CDK5RAP3: variants seen among roughly 807,000 people sequenced by gnomAD.
CDK5RAP3 encodes the protein CDK5 regulatory subunit associated protein 3.
Under a neutral mutation model 73.3 loss-of-function variants are expected in CDK5RAP3, and 58 were observed. That is an observed-to-expected ratio of 0.79 (90% confidence interval 0.64 to 0.98). The LOEUF (loss-of-function observed/expected upper bound fraction) is 0.98. Ranked by LOEUF, CDK5RAP3 falls within the 50% of genes least tolerant of loss-of-function variation. CDK5RAP3 has a pLI of 0.00. For synonymous variants in CDK5RAP3, 224 were observed against 247.5 expected (o/e 0.91, Z 0.89); for missense variants, 525 against 615.8 (o/e 0.85, Z 1.56).
rs747873025 is a variant in CDK5RAP3 at position 47,975,671 on chromosome 17, TC to T, written c.653+19del. Reference sequence around the variant, plus strand: ...TGTGAGAGGTAGAGAGGCCTCAGCTTCTCCTGGTGGGGGTGCTTTGCCTGTG... The same window carrying T: ...TGTGAGAGGTAGAGAGGCCTCAGCTTTCCTGGTGGGGGTGCTTTGCCTGTG... On this transcript the variant is annotated intron_variant, in intron 7 of 13. Transcript: ENST00000338399. 1 of 1,584,410 alleles carries T rather than the reference TC, an allele frequency of 6.3e-7. No homozygotes were observed. Among genetic ancestry groups the T allele is most frequent in the Non-Finnish European group, 8.6e-7 (1 of 1,168,662 alleles).
chr17:47,978,835 A>C lies in CDK5RAP3; in HGVS notation c.995A>C (p.Glu332Ala), dbSNP rs780532146. The C allele has an allele frequency of 6.8e-6, 11 of 1,613,020 alleles. No homozygotes were observed. The South Asian group carries it at 1.2e-4, about 18-fold the overall frequency. ...TVLEAGTQAP[E>A]GVARGPDALT... ...CTCTGTCTCTTCCTGGCAGCTCCAG[A>C]AGGTGTTGCCAGGGGCCCAGATGCC... is the stretch of plus-strand genomic sequence containing the variant. The change falls in exon 11 of 14, where the codon GAA (glutamate) becomes GCA (alanine). Residue 332 changes from glutamate (E) to alanine (A), a missense_variant. By Grantham distance (107) the Glu-to-Ala change is moderately radical. Around this residue, in one of 2 missense-constraint regions of CDK5RAP3, gnomAD observed 409 missense variants for 429.8 expected, o/e 0.95. Coordinates refer to ENST00000338399, the MANE Select transcript of CDK5RAP3 (RefSeq NM_176096.3).
chr17:47,977,844 G>T lies in CDK5RAP3; in HGVS notation c.922G>T (p.Asp308Tyr). Residue 308 changes from aspartate to tyrosine, a missense_variant, in exon 10 of 14, where the codon GAT becomes TAT. Asp to Tyr is a radical substitution (Grantham distance 160). Around this residue, in one of 2 missense-constraint regions of CDK5RAP3, gnomAD observed 409 missense variants for 429.8 expected, o/e 0.95. Transcript: ENST00000338399. ...GCTCTCCTTCCAGGATCCTGGAGGT[G>T]ATGGGATAGACTGGGGAGACGATGC... ...PESDSKDPGG[D>Y]GIDWGDDAVA... 1 of 1,613,900 alleles carries T rather than the reference G, an allele frequency of 6.2e-7. No homozygotes were observed. The highest frequency in any genetic ancestry group is 8.5e-7 in the Non-Finnish European group (1 of 1,179,904).
chr17:47,974,455 T>G lies in CDK5RAP3; in HGVS notation c.334+7T>G. On this transcript the variant is annotated splice_region_variant and intron_variant, in intron 5 of 13. Transcript: ENST00000338399. ...AAGGACAACACCTACTTAGGTAAAG[T>G]GGCCCGGCCTGGGAGCCCTGGTATC... 1 of 1,614,216 alleles carries G rather than the reference T, an allele frequency of 6.2e-7. No homozygotes were observed. The highest frequency in any genetic ancestry group is 8.5e-7 in the Non-Finnish European group (1 of 1,180,026).
Position 47,980,810 on chromosome 17 carries a change from C to T in CDK5RAP3, c.1283+12C>T, listed in dbSNP as rs756122693. On this transcript the variant is annotated intron_variant, in intron 12 of 13. Coordinates refer to ENST00000338399, the MANE Select transcript of CDK5RAP3 (RefSeq NM_176096.3). ...CTGGCCTCACCAAGGTCTGGCTTCC[C>T]CTTGATGCAAGGCTCTGCCATCTTG... The T allele has an allele frequency of 2.5e-6, 4 of 1,613,210 alleles. No homozygotes were observed. The highest frequency in any genetic ancestry group is 4.5e-5 in the East Asian group (2 of 44,892).
intron 6 of CDK5RAP3, 55 bp downstream of exon 6, chr17:47,975,392 TCCTCTGACCCCGTCTGACC>T: frequency 6.2e-7 from 1 of 1,606,552 alleles, no homozygotes; most frequent in South Asian, 1.1e-5. Context: ...CTGCTTGTCT[TCCTCTGACCCCGTCTGACC>T]CCTCAGCCTG....
upstream of CDK5RAP3, chr17:47,970,739 T>C (rs1301177940): frequency 6.5e-7 from 1 of 1,533,660 alleles, no homozygotes; most frequent in Admixed American, 2.0e-5. Flanking sequence ...TGCAACGGCC[T>C]CCCAGATCGG....
intron 1 of CDK5RAP3, 103 bp from the exon 2 acceptor site, chr17:47,971,259 G>A (rs1359913919): frequency 6.5e-7 from 1 of 1,539,690 alleles, no homozygotes; most frequent in Non-Finnish European, 8.8e-7. Context: ...CTCTGGCCCC[G>A]TTCTGGCCCT....
In CDK5RAP3 at chr17:47,974,464, C is replaced by T. The variant is rs1164839270; in HGVS notation, c.334+16C>T. 3 of 1,614,054 alleles carry T rather than the reference C, an allele frequency of 1.9e-6. No homozygotes were observed. The highest frequency in any genetic ancestry group is 2.5e-6 in the Non-Finnish European group (3 of 1,180,028). On this transcript the variant is annotated intron_variant, in intron 5 of 13. Transcript: ENST00000338399. ...ACCTACTTAGGTAAAGTGGCCCGGC[C>T]TGGGAGCCCTGGTATCCATGGGGAA... is the stretch of plus-strand genomic sequence containing the variant.
At position 47,975,779 on chromosome 17, in the gene CDK5RAP3, CT is replaced by C. The variant is rs1471410931; in HGVS notation, c.654-88del. The C allele has an allele frequency of 3.8e-6, 6 of 1,596,476 alleles. No homozygotes were observed. In the Admixed American group the frequency reaches 8.4e-5, roughly 22 times the overall value. On this transcript the variant is annotated intron_variant, in intron 7 of 13. Transcript: ENST00000338399. ...TTTACACACCTGAACCTGTGGGGGC[CT>C]TGCCCATTTGACCATGTGGCCCAGG...
At position 47,980,665 on chromosome 17, in the gene CDK5RAP3, C is replaced by T; in HGVS notation, c.1150C>T (p.Gln384Ter). ...AGATGTCCTGTCTGTGAGCCAGTTC[C>T]AGCTGGCTCCAGCCATCCTGCAGGG... is the stretch of plus-strand genomic sequence containing the variant. ...EADVLSVSQF[Q>*]LAPAILQGQT... The change falls in exon 12 of 14, where the codon CAG becomes TAG. Residue 384 changes from glutamine to a stop codon, truncating the protein, a stop_gained. Coordinates refer to ENST00000338399, the MANE Select transcript of CDK5RAP3 (RefSeq NM_176096.3). LOFTEE classifies it high-confidence loss of function. 2 of 1,614,006 alleles carry T rather than the reference C, an allele frequency of 1.2e-6. No individual in the cohort carries two copies. The highest frequency in any genetic ancestry group is 1.7e-6 in the Non-Finnish European group (2 of 1,179,946).
chr17:47,979,049 C>G (rs2036492798), intron 11 of CDK5RAP3, 132 bp downstream of exon 11: 1 of 689,806 alleles, frequency 1.4e-6, no homozygotes, highest in Non-Finnish European at 2.6e-6. Context: ...CAGCAGGAGC[C>G]TCACGTATTA....
intron 7 of CDK5RAP3, 78 bp downstream of exon 7, chr17:47,975,731 G>T: frequency 6.4e-7 from 1 of 1,566,540 alleles, no homozygotes; most frequent in Non-Finnish European, 8.6e-7. Context: ...CAGTTGTCTT[G>T]TTCCCATATA....
intron 12 of CDK5RAP3, 107 bp downstream of exon 12, chr17:47,980,905 C>A: frequency 2.5e-6 from 3 of 1,184,358 alleles, no homozygotes; most frequent in Non-Finnish European, 3.7e-6. Context: ...GCCTCCTGGC[C>A]ATTGCCATCC....
upstream of CDK5RAP3, chr17:47,970,826 C>G: frequency 3.5e-6 from 5 of 1,417,862 alleles, no homozygotes; most frequent in South Asian, 6.4e-5. Context: ...GGCTGCCAGG[C>G]TGGGCTCTCG....
chr17:47,981,572 T>G lies in CDK5RAP3; in HGVS notation c.*70T>G. ...GAAGATGATAGCCAGGGCTGTTGTT[T>G]TGGGGCCCTTCAAGGCAAAAGACCA... On this transcript the variant is annotated 3_prime_UTR_variant, in exon 14 of 14. Transcript: ENST00000338399. 1 of 1,613,526 alleles carries G rather than the reference T, an allele frequency of 6.2e-7. No individual in the cohort carries two copies. Among genetic ancestry groups the G allele is most frequent in the South Asian group, 1.1e-5 (1 of 90,994 alleles).
intron 10 of CDK5RAP3, 160 bp downstream of exon 10, chr17:47,978,070 T>TG: frequency 2.4e-5 from 4 of 169,142 alleles, no homozygotes; most frequent in Non-Finnish European, 3.9e-5. Flanking sequence ...CCAAGAGAGG[T>TG]TTTTTTTTTT....
At chr17:47,976,864 C>G (rs764110992) in intron 9 of CDK5RAP3, 42 bp downstream of exon 9, 1 of 1,266,292 alleles carries the variant, frequency 7.9e-7, no homozygotes, top group South Asian at 1.4e-5. Context: ...GATCACTACT[C>G]TAACCATAAG....
chr17:47,976,588 T>C (rs777587221), intron 8 of CDK5RAP3, 124 bp from the exon 9 acceptor site: 65 of 659,024 alleles, frequency 9.9e-5, no homozygotes, highest in Non-Finnish European at 1.4e-4. Flanking sequence ...GGTCTCAAAC[T>C]CCTGGGCTCA....
At position 47,978,812 on chromosome 17, in the gene CDK5RAP3, C is replaced by T. The variant is rs1185298306; in HGVS notation, c.989-17C>T. ...AGTCCTCTGATCCTTTATCACTTCT[C>T]TGTCTCTTCCTGGCAGCTCCAGAAG... On this transcript the variant is annotated splice_polypyrimidine_tract_variant and intron_variant, in intron 10 of 13. Coordinates refer to ENST00000338399, the MANE Select transcript of CDK5RAP3 (RefSeq NM_176096.3). 4 of 1,603,340 alleles carry T rather than the reference C, an allele frequency of 2.5e-6. No individual in the cohort carries two copies. The East Asian group carries it at 6.7e-5, about 27-fold the overall frequency.
Sources: gnomAD v4.1 joint callset for allele counts on GRCh38, gnomAD v4.1.1 for gene constraint, gnomAD v4.1.1 regional missense constraint, MANE v1.5 for transcripts, NCBI Gene and HGNC (gene_info 2026-07-23, HGNC 2026-07-21) for gene names.